The following EXOSC10 variants were observed in gnomAD, a reference collection of about 807,000 sequenced individuals.
EXOSC10 encodes the protein exosome component 10.
A neutral mutation model predicts 126.6 loss-of-function variants in EXOSC10; 94 were observed. The observed-to-expected ratio is 0.74, with a 90% CI of 0.63 to 0.88. The LOEUF (loss-of-function observed/expected upper bound fraction) is 0.88, where lower values mean the gene tolerates loss of function less well. EXOSC10 is among the 40% of genes least tolerant of loss of function. EXOSC10 has a pLI of 0.00. For synonymous variants in EXOSC10, 395 were observed against 400.8 expected (o/e 0.99, Z 0.17); for missense variants, 1,041 against 1,100.5 (o/e 0.95, Z 0.77).
chr1:11,091,033 A>G lies in EXOSC10; in HGVS notation c.624T>C (p.Ala208=), dbSNP rs202104408. ...ATTTACCTTGAGGGAGAGGTTTCTG[A>G]GCATTGGGTTTGATGAAGATTTTAG... ...FLPKIFIKPN[A]QKPLPQALSK... is the part of the protein sequence containing the mutation. Residue 208 remains alanine (A), a synonymous_variant, in exon 5 of 25, where the codon GCT becomes GCC. Coordinates refer to ENST00000376936, the MANE Select transcript of EXOSC10 (RefSeq NM_001001998.3). The G allele has an allele frequency of 8.9e-5, 143 of 1,613,906 alleles. No homozygotes were observed. Among genetic ancestry groups the G allele is most frequent in the Middle Eastern group, 1.6e-4 (1 of 6,082 alleles).
chr1:11,070,571 T>A (rs1402863520), intron 21 of EXOSC10: 4 of 201,166 alleles, frequency 2.0e-5, no homozygotes, highest in Non-Finnish European at 3.0e-5. Context: ...GGGGTTTCAT[T>A]CTCTAGAATG....
chr1:11,079,880 T>G (rs1640050331), intron 13 of EXOSC10, 58 bp from the exon 14 acceptor site: 2 of 1,358,220 alleles, frequency 1.5e-6, no homozygotes, highest in African/African-American at 1.4e-5. Flanking sequence ...CCTTAAAGGC[T>G]TCCAGATAAG....
intron 20 of EXOSC10, chr1:11,071,480 T>C (rs888129052): frequency 1.2e-5 from 2 of 167,368 alleles, no homozygotes; most frequent in Non-Finnish European, 2.6e-5. Context: ...CCCACGCTGG[T>C]CTCAAAGCCA....
rs183414871 is a variant in EXOSC10, at chr1:11,099,715, A to T, written c.111+6T>A. 1.8e-3 allele frequency: 2,861 copies of T among 1,599,534 alleles called. 8 individuals are homozygous for T. Among genetic ancestry groups the T allele is most frequent in the Middle Eastern group, 8.8e-3 (53 of 5,994 alleles). ...TCCTGGTACCCCCGAGGCCCCGCGA[A>T]CTCACCTTCACAAAGCTGTCGGCGT... On this transcript the variant is annotated splice_donor_region_variant and intron_variant, in intron 1 of 24. Coordinates refer to ENST00000376936, the MANE Select transcript of EXOSC10 (RefSeq NM_001001998.3).
Position 11,091,498 on chromosome 1 carries a change from G to A in EXOSC10, c.472C>T (p.Arg158Cys), listed in dbSNP as rs778113776. 4.3e-6 allele frequency: 7 copies of A among 1,613,638 alleles called. No individual in the cohort carries two copies. The highest frequency in any genetic ancestry group is 4.5e-5 in the East Asian group (2 of 44,874). Residue 158 changes from arginine (R) to cysteine (C), a missense_variant, in exon 4 of 25, where the codon CGT becomes TGT. Coordinates refer to ENST00000376936, the MANE Select transcript of EXOSC10 (RefSeq NM_001001998.3). Reference protein sequence around the residue: ...VPKTVVSSWNRKAAEYGKKAK... With the variant: ...VPKTVVSSWNCKAAEYGKKAK... ...TTAATCTGAAAAGCCCTCACCTTACGGTTCCAGCTGGACACTACCGTTTTG... is the reference window on the plus strand; with the variant it reads ...TTAATCTGAAAAGCCCTCACCTTACAGTTCCAGCTGGACACTACCGTTTTG...
chr1:11,091,371 CA>C (rs1325987778), intron 4 of EXOSC10, 121 bp downstream of exon 4: 23 of 1,003,354 alleles, frequency 2.3e-5, no homozygotes, highest in Non-Finnish European at 3.2e-5. Flanking sequence ...TTTATGAGAA[CA>C]AACTAAAGGA....
intron 13 of EXOSC10, 89 bp downstream of exon 13, chr1:11,080,409 CT>C: frequency 6.6e-7 from 1 of 1,505,592 alleles, no homozygotes; most frequent in Admixed American, 1.7e-5. Context: ...AGTAAGCAGC[CT>C]TGGGTAATAG....
chr1:11,069,260 G>GAGAGAGAGAGAGAGAGAGAGAGAGA (rs1557690891), intron 22 of EXOSC10, among the ~76,000 whole-genome samples: 1 of 118,866 alleles, frequency 8.4e-6, no homozygotes, highest in Admixed American at 9.6e-5. Context: ...AGAGAGAGAG[G>GAGAGAGAGAGAGAGAGAGAGAGAGA]GTTTATGGGC....
Position 11,091,193 on chromosome 1 carries a change from A to T in EXOSC10, c.478-14T>A, listed in dbSNP as rs148178726. Reference sequence around the variant, plus strand: ...ATATTCTGCTGCCTATGATCAATGAATACAAATACTTTATAACACAGCAAC... The same window carrying T: ...ATATTCTGCTGCCTATGATCAATGATTACAAATACTTTATAACACAGCAAC... On this transcript the variant is annotated splice_polypyrimidine_tract_variant and intron_variant, in intron 4 of 24. Coordinates refer to ENST00000376936, the MANE Select transcript of EXOSC10 (RefSeq NM_001001998.3). The T allele has an allele frequency of 2.2e-4, 361 of 1,606,846 alleles. No homozygotes were observed. In the African/African-American group the frequency reaches 4.3e-3, roughly 19 times the overall value.
At chr1:11,069,182 AG>A (rs1639294538) in intron 22 of EXOSC10, among the ~76,000 whole-genome samples, 1 of 150,300 alleles carries the variant, frequency 6.7e-6, no homozygotes, top group African/African-American at 2.4e-5. Flanking sequence ...AAGCAGCCAT[AG>A]GGGTTCATGT....
chr1:11,084,947 G>A (rs1640408599), intron 9 of EXOSC10, among the ~76,000 whole-genome samples: 1 of 152,102 alleles, frequency 6.6e-6, no homozygotes, highest in Admixed American at 6.6e-5. Flanking sequence ...TAGATATATG[G>A]CGTTATTTCT....
rs1054488316 is a variant in EXOSC10 at position 11,096,421 on chromosome 1, G to A, written c.249-540C>T. Among the ~76,000 whole-genome samples, 37 of 151,598 alleles carry A rather than the reference G, an allele frequency of 2.4e-4. No individual in the cohort carries two copies. The Middle Eastern group carries it at 0.01, about 43-fold the overall frequency. On this transcript the variant is annotated intron_variant, in intron 2 of 24. Coordinates refer to ENST00000376936, the MANE Select transcript of EXOSC10 (RefSeq NM_001001998.3). Reference sequence around the variant, plus strand: ...CTGCCTCGGCCTCCCAAAGTTCTGGGATTACAGGTGTGAGCCATGAGCCCA... The same window carrying A: ...CTGCCTCGGCCTCCCAAAGTTCTGGAATTACAGGTGTGAGCCATGAGCCCA...
chr1:11,079,087 T>C (rs1322050536), intron 14 of EXOSC10, among the ~76,000 whole-genome samples: 2 of 152,008 alleles, frequency 1.3e-5, no homozygotes, highest in Non-Finnish European at 2.9e-5. Context: ...TCCCAGCACT[T>C]TGGGAGGCCC....
At position 11,098,152 on chromosome 1, in the gene EXOSC10, G is replaced by A. The variant is rs140830726; in HGVS notation, c.116C>T (p.Ala39Val). 465 of 1,598,344 alleles carry A rather than the reference G, an allele frequency of 2.9e-4. 7 individuals are homozygous for A. The highest frequency in any genetic ancestry group is 7.8e-5 in the Non-Finnish European group (92 of 1,176,004). ...FPDADSFVKF[A>V]LGSVVAVTKA... ...GGTGACTGCCACCACGGACCCAAGAGCAAACTGTCAAAAACAAGAAAAGAT... is the reference window on the plus strand; with the variant it reads ...GGTGACTGCCACCACGGACCCAAGAACAAACTGTCAAAAACAAGAAAAGAT... The change falls in exon 2 of 25, where the codon GCT (alanine) becomes GTT (valine). Residue 39 changes from alanine (A) to valine (V), a missense_variant. Ala to Val is a moderately conservative substitution (Grantham distance 64, BLOSUM62 0). Transcript: ENST00000376936.
intron 6 of EXOSC10, 65 bp from the exon 7 acceptor site, chr1:11,088,263 G>A: frequency 1.7e-6 from 2 of 1,189,932 alleles, no homozygotes; most frequent in Non-Finnish European, 2.4e-6. Context: ...GAAAAATAAT[G>A]CCTTTTATCC....
At chr1:11,082,340 C>T (rs916711071) in intron 10 of EXOSC10, among the ~76,000 whole-genome samples, 3 of 152,116 alleles carry the variant, frequency 2.0e-5, no homozygotes, top group Non-Finnish European at 4.4e-5. Context: ...CACACACACA[C>T]ACACACAATC....
chr1:11,082,765 G>C lies in EXOSC10; in HGVS notation c.1203C>G (p.His401Gln). Residue 401 changes from histidine (H) to glutamine (Q), a missense_variant, in exon 10 of 25, where the codon CAC (histidine) becomes CAG (glutamine). Physicochemically the swap from His to Gln is conservative, Grantham distance 24 (BLOSUM62 0). Around this residue, in one of 3 missense-constraint regions of EXOSC10, gnomAD observed 645 missense variants for 656.3 expected, o/e 0.98. Coordinates refer to ENST00000376936, the MANE Select transcript of EXOSC10 (RefSeq NM_001001998.3). Reference sequence around the variant, plus strand: ...AGAGTTTCAGGAGATGATCGAGTGAGTGCCTGCCCAGGTTAAGAAGGCGTG... The same window carrying C: ...AGAGTTTCAGGAGATGATCGAGTGACTGCCTGCCCAGGTTAAGAAGGCGTG... ...QAARLLNLGR[H>Q]SLDHLLKLYC... The C allele has an allele frequency of 6.2e-7, 1 of 1,614,212 alleles. No homozygotes were observed. The highest frequency in any genetic ancestry group is 8.5e-7 in the Non-Finnish European group (1 of 1,180,028).
chr1:11,075,854 A>AG (rs1639785031), intron 17 of EXOSC10, among the ~76,000 whole-genome samples: 1 of 32,902 alleles, frequency 3.0e-5, no homozygotes, highest in Admixed American at 4.5e-4. Flanking sequence ...ATCCTGTCAC[A>AG]AAAAAAAAAA....
Position 11,091,074 on chromosome 1 carries a change from T to G in EXOSC10, c.583A>C (p.Asn195His), listed in dbSNP as rs779440785. 5 of 1,614,182 alleles carry G rather than the reference T, an allele frequency of 3.1e-6. No individual in the cohort carries two copies. Among genetic ancestry groups the G allele is most frequent in the Non-Finnish European group, 4.2e-6 (5 of 1,180,030 alleles). The change falls in exon 5 of 25, where the codon AAC becomes CAC. Residue 195 changes from asparagine (N) to histidine (H), a missense_variant. Transcript: ENST00000376936. ...LKFREKIDNSNTPFLPKIFIK... is the reference protein window; with the variant it reads ...LKFREKIDNSHTPFLPKIFIK... ...AAGATTTTAGGAAGAAATGGTGTGTTGGAATTGTCAATCTTCTCTCGAAAC... is the reference window on the plus strand; with the variant it reads ...AAGATTTTAGGAAGAAATGGTGTGTGGGAATTGTCAATCTTCTCTCGAAAC...
Sources: gnomAD v4.1 joint callset for allele counts (sites outside exome capture counted in the v4.1 genomes callset) on GRCh38, gnomAD v4.1.1 for gene constraint, gnomAD v4.1.1 regional missense constraint, MANE v1.5 for transcripts, NCBI Gene and HGNC (gene_info 2026-07-23, HGNC 2026-07-21) for gene names.